TNFRSF19: variants seen among roughly 807,000 people sequenced by gnomAD.
TNFRSF19 encodes tumor necrosis factor receptor superfamily member 19.
In TNFRSF19, 27 loss-of-function variants were observed where a neutral mutation model predicts 46.4. The observed-to-expected ratio is 0.58, with a 90% CI of 0.43 to 0.80. The LOEUF (loss-of-function observed/expected upper bound fraction) is 0.80. Ranked by LOEUF, TNFRSF19 falls within the 30% of genes least tolerant of loss-of-function variation. The pLI is 0.00. For synonymous variants in TNFRSF19, 204 were observed against 205.0 expected, an observed-to-expected ratio of 1.00 and a Z score of 0.04; for missense variants, 511 against 530.8, an observed-to-expected ratio of 0.96 and a Z score of 0.37.
intron 3 of TNFRSF19, among the ~76,000 whole-genome samples, chr13:23,598,182 C>T (rs999724150): frequency 6.6e-6 from 1 of 152,038 alleles, no homozygotes; most frequent in African/African-American, 2.4e-5. Flanking sequence ...TCTCATTGAA[C>T]AATGAGAACA....
In TNFRSF19 at chr13:23,669,194, T is replaced by TC. The variant is rs967995597; in HGVS notation, c.1245+97_1245+98insC. ...AAGATTTGGGGGAACCTGATGAGTT[T>TC]TTTTTTTGCATCTTTAATAATTTCT... On this transcript the variant is annotated intron_variant, in intron 9 of 9. Coordinates refer to ENST00000248484, the MANE Select transcript of TNFRSF19 (RefSeq NM_148957.4). The TC allele has an allele frequency of 6.8e-5, 100 of 1,461,798 alleles. 1 individual carries two copies. Among genetic ancestry groups the TC allele is most frequent in the Non-Finnish European group, 1.8e-5 (20 of 1,114,576 alleles). The allele number at this position is 1,461,798 out of a possible 1,614,324, so 90.6% of individuals were successfully genotyped here.
At chr13:23,605,193 A>G (rs1438947040) in intron 3 of TNFRSF19, among the ~76,000 whole-genome samples, 4 of 152,248 alleles carry the variant, frequency 2.6e-5, no homozygotes, top group Non-Finnish European at 2.9e-5. Context: ...CAGATGGCAA[A>G]TAAGCATATG....
chr13:23,607,450 C>T (rs1393200137), intron 3 of TNFRSF19, among the ~76,000 whole-genome samples: 1 of 152,066 alleles, frequency 6.6e-6, no homozygotes, highest in African/African-American at 2.4e-5. Context: ...AATAGATAGA[C>T]AGTTTGGAGG....
chr13:23,644,867 A>G (rs1014402411), intron 5 of TNFRSF19, among the ~76,000 whole-genome samples: 4 of 152,204 alleles, frequency 2.6e-5, no homozygotes, highest in Admixed American at 2.0e-4. Context: ...TTTCAAAAGT[A>G]ACATCAGAAT....
intron 5 of TNFRSF19, among the ~76,000 whole-genome samples, chr13:23,630,484 G>A (rs1425076443): frequency 6.6e-6 from 1 of 152,086 alleles, no homozygotes; most frequent in East Asian, 1.9e-4. Flanking sequence ...CAATGGATTT[G>A]TGATGATAAT....
intron 1 of TNFRSF19, chr13:23,579,279 G>C (rs1878197795): frequency 6.6e-6 from 1 of 152,332 alleles, no homozygotes; most frequent in Admixed American, 6.5e-5. Flanking sequence ...GAGCCACGGC[G>C]AGAGCCGCGG....
At chr13:23,603,190 C>G (rs1217047895) in intron 3 of TNFRSF19, among the ~76,000 whole-genome samples, 4 of 152,110 alleles carry the variant, frequency 2.6e-5, no homozygotes, top group African/African-American at 7.2e-5. Context: ...ATTAGAAATG[C>G]TGTGAACAAC....
rs539552297 is a variant in TNFRSF19, at chr13:23,669,776, G to A, written c.1245+679G>A. 329 of 925,476 alleles carry A rather than the reference G, an allele frequency of 3.6e-4. 1 individual carries two copies. In the Middle Eastern group the frequency reaches 4.4e-3, roughly 12 times the overall value. 57.3% of individuals were successfully genotyped at this position (925,476 alleles called of 1,614,324 possible). A position where few individuals can be genotyped will look rare whatever the true frequency, so the allele number is the denominator to read the frequency against. On this transcript the variant is annotated intron_variant, in intron 9 of 9. Transcript: ENST00000248484. ...AAAGGATTCAGGGATAACTGGGCAC[G>A]TCTCTGCTTTCTTCAGGTGAGGATG...
chr13:23,651,024 T>A (rs566659620), intron 5 of TNFRSF19, among the ~76,000 whole-genome samples: 35 of 152,302 alleles, frequency 2.3e-4, no homozygotes, highest in South Asian at 4.1e-4. Context: ...TACATAGATA[T>A]TTTTGCTTAA....
intron 1 of TNFRSF19, among the ~76,000 whole-genome samples, chr13:23,577,916 C>T (rs1334874551): frequency 6.6e-6 from 1 of 152,012 alleles, no homozygotes; most frequent in Non-Finnish European, 1.5e-5. Flanking sequence ...GGGTTGATGA[C>T]CGAGGCAGTG....
At chr13:23,658,990 G>T (rs142696523) in intron 5 of TNFRSF19, 60 bp from the exon 6 acceptor site, 3 of 1,607,132 alleles carry the variant, frequency 1.9e-6, no homozygotes, top group South Asian at 1.1e-5. Context: ...TGCCAGCTTC[G>T]CCATAAACAC....
chr13:23,673,598 C>T lies in TNFRSF19; in HGVS notation c.*218C>T, dbSNP rs568533959. ...TGAATAACAAGAAAAGACTCCAGGC[C>T]GACTCATGATACTCTGCATCTTTCC... On this transcript the variant is annotated 3_prime_UTR_variant, in exon 10 of 10. Transcript: ENST00000248484. The T allele has an allele frequency of 2.1e-5, 26 of 1,225,340 alleles. No homozygotes were observed. In the South Asian group the frequency reaches 4.6e-4, roughly 22 times the overall value. 75.9% of individuals were successfully genotyped at this position (1,225,340 alleles called of 1,614,324 possible).
At chr13:23,642,263 A>C (rs572817388) in intron 5 of TNFRSF19, among the ~76,000 whole-genome samples, 8 of 152,198 alleles carry the variant, frequency 5.3e-5, no homozygotes, top group Non-Finnish European at 1.0e-4. Flanking sequence ...TCACGTTTCC[A>C]AAGGCCTCTC....
chr13:23,588,853 AAATGGGTCATTCAC>A (rs1160339602), intron 1 of TNFRSF19, among the ~76,000 whole-genome samples: 2 of 152,254 alleles, frequency 1.3e-5, no homozygotes, highest in Non-Finnish European at 2.9e-5. Flanking sequence ...AATTCACTTC[AAATGGGTCATTCAC>A]TCAACAAAGG....
intron 1 of TNFRSF19, among the ~76,000 whole-genome samples, chr13:23,589,403 A>G (rs1879090404): frequency 6.6e-6 from 1 of 152,232 alleles, no homozygotes; most frequent in African/African-American, 2.4e-5. Context: ...TCTGCCATAC[A>G]TACTTTGCTC....
At chr13:23,672,752 G>A (rs1166286442) in intron 9 of TNFRSF19, among the ~76,000 whole-genome samples, 2 of 152,146 alleles carry the variant, frequency 1.3e-5, no homozygotes, top group East Asian at 3.8e-4. Flanking sequence ...TCCCCTTCCC[G>A]GCATTGACGT....
rs142500847 is a variant in TNFRSF19, at chr13:23,574,826, C to G, written c.-35+3978C>G. Among the ~76,000 whole-genome samples, 295 of 152,310 alleles carry G rather than the reference C, an allele frequency of 1.9e-3. 2 individuals are homozygous for G. Among genetic ancestry groups the G allele is most frequent in the African/African-American group, 6.6e-3 (273 of 41,570 alleles). ...ACTGTCACTAGTCATTCAGCTTTGG[C>G]TCCAAAGTTGTTACCTCAAACCCAC... On this transcript the variant is annotated intron_variant, in intron 1 of 9. Transcript: ENST00000248484.
chr13:23,611,683 A>G (rs1045351656), intron 3 of TNFRSF19, among the ~76,000 whole-genome samples: 1 of 152,202 alleles, frequency 6.6e-6, no homozygotes, highest in African/African-American at 2.4e-5. Context: ...AGCAGGAAAT[A>G]ATATACCTAG....
At chr13:23,620,446 G>A (rs908887901) in intron 4 of TNFRSF19, among the ~76,000 whole-genome samples, 4 of 152,104 alleles carry the variant, frequency 2.6e-5, no homozygotes, top group African/African-American at 7.2e-5. Context: ...TCTGTCCTCC[G>A]TGCCCACAAT....
Sources: allele counts gnomAD v4.1 joint callset (sites outside exome capture counted in the v4.1 genomes callset), GRCh38; gene constraint gnomAD v4.1.1; transcripts MANE v1.5; gene names NCBI Gene and HGNC (gene_info 2026-07-23, HGNC 2026-07-21).